Variants in FN1 observed in about 807,000 individuals in gnomAD.
FN1 encodes the protein fibronectin.
A neutral mutation model predicts 297.3 loss-of-function variants in FN1; 106 were observed. That is an observed-to-expected ratio of 0.36 (90% CI 0.30 to 0.42). The LOEUF is 0.42. Ranked by LOEUF, FN1 falls within the 10% of genes least tolerant of loss-of-function variation. The pLI is 1.00. For missense variants in FN1, 2,690 were observed against 3,124.9 expected, an observed-to-expected ratio of 0.86 and a Z score of 3.32; for synonymous variants, 1,149 against 1,152.6, an observed-to-expected ratio of 1.00 and a Z score of 0.06.
intron 24 of FN1, 24 bp downstream of exon 24, chr2:215,394,504 G>C: frequency 6.3e-7 from 1 of 1,580,732 alleles, no homozygotes; most frequent in Non-Finnish European, 8.7e-7. Context: ...TCACTCTCAG[G>C]ATAGCAGCTT....
At chr2:215,420,528 G>T in intron 11 of FN1, 145 bp downstream of exon 11, 1 of 1,000,028 alleles carries the variant, frequency 1.0e-6, no homozygotes, top group Non-Finnish European at 1.6e-6. Flanking sequence ...CAGTATTAGA[G>T]AGAAGACTTT....
chr2:215,390,006 C>T (rs1214559939), intron 26 of FN1, among the ~76,000 whole-genome samples: 1 of 152,134 alleles, frequency 6.6e-6, no homozygotes, highest in Non-Finnish European at 1.5e-5. Context: ...AACTCCTACT[C>T]ACTAAACCCT....
At chr2:215,404,333 A>T in intron 20 of FN1, 56 bp downstream of exon 20, 1 of 1,483,868 alleles carries the variant, frequency 6.7e-7, no homozygotes, top group Non-Finnish European at 9.4e-7. Context: ...GTTTTAAAGC[A>T]TGAAGAATAG....
intron 41 of FN1, 146 bp from the exon 42 acceptor site, chr2:215,368,173 G>C (rs1230088514): frequency 1.2e-6 from 1 of 865,008 alleles, no homozygotes; most frequent in African/African-American, 1.7e-5. Context: ...GTTCTATCAA[G>C]GCATTAACTG....
In FN1 at chr2:215,420,624, C is replaced by T. The variant is rs756598689; in HGVS notation, c.1675+49G>A. 5 of 1,611,714 alleles carry T rather than the reference C, an allele frequency of 3.1e-6. No homozygotes were observed. In the Admixed American group the frequency reaches 8.3e-5, roughly 27 times the overall value. ...CATAGCTTTTCTTATCTGAAACTTG[C>T]TAACCATTCCCCCTGTGCAAACTCA... is the stretch of plus-strand genomic sequence containing the variant. On this transcript the variant is annotated intron_variant, in intron 11 of 45. Coordinates refer to ENST00000354785, the MANE Select transcript of FN1 (RefSeq NM_212482.4).
In FN1 at chr2:215,362,058, G is replaced by A. The variant is rs1444478990; in HGVS notation, c.7273C>T (p.Arg2425Cys). The A allele has an allele frequency of 5.6e-6, 9 of 1,614,046 alleles. No homozygotes were observed. The highest frequency in any genetic ancestry group is 6.8e-6 in the Non-Finnish European group (8 of 1,179,980). The stretch of plus-strand genomic sequence containing the variant: ...GGACTGGGTTCACCCCCAGGTCTGC[G>A]GCAGTTGTCACAGCGCCAGCCCTGA... The part of the protein sequence containing the change: ...GQRGWRCDNC[R>C]RPGGEPSPEG... Residue 2425 changes from arginine (R) to cysteine (C), a missense_variant, in exon 45 of 46, where the codon CGC becomes TGC. Transcript: ENST00000354785.
rs375676587 is a variant in FN1, at chr2:215,367,826, A to G, written c.7018+37T>C. 8.9e-5 allele frequency: 144 copies of G among 1,609,922 alleles called. 1 individual carries two copies. The Middle Eastern group carries it at 2.5e-3, about 28-fold the overall frequency. ...GAGTGCATGCATGGAACTTGAGGAG[A>G]CAAACACGGAAGTGGATGGACAAAG... On this transcript the variant is annotated intron_variant, in intron 42 of 45. Transcript: ENST00000354785.
chr2:215,415,533 G>C (rs924599421), intron 12 of FN1, among the ~76,000 whole-genome samples: 1 of 152,170 alleles, frequency 6.6e-6, no homozygotes, highest in African/African-American at 2.4e-5. Context: ...AGTCTAAGCA[G>C]TCTATCAGTT....
chr2:215,430,103 A>C (rs1352341683), intron 5 of FN1, among the ~76,000 whole-genome samples: 2 of 152,246 alleles, frequency 1.3e-5, no homozygotes, highest in Non-Finnish European at 2.9e-5. Flanking sequence ...GGGTTCAGCT[A>C]GATAAATAAA....
At chr2:215,434,901 A>T (rs1029912657) in intron 1 of FN1, 77 bp from the exon 2 acceptor site, 2 of 1,511,484 alleles carry the variant, frequency 1.3e-6, no homozygotes, top group African/African-American at 1.4e-5. Flanking sequence ...TCATGTGAAT[A>T]TTGACGTACA....
At position 215,361,133 on chromosome 2, in the gene FN1, C is replaced by A; in HGVS notation, c.*422G>T. On this transcript the variant is annotated 3_prime_UTR_variant, in exon 46 of 46. Coordinates refer to ENST00000354785, the MANE Select transcript of FN1 (RefSeq NM_212482.4). Reference sequence around the variant, plus strand: ...ATTTAAAATATCACAGTAACAAGATCATGCTTGTTCCTACAGTATTGCGGG... The same window carrying A: ...ATTTAAAATATCACAGTAACAAGATAATGCTTGTTCCTACAGTATTGCGGG... 1 of 179,296 alleles carries A rather than the reference C, an allele frequency of 5.6e-6. No homozygotes were observed. Among genetic ancestry groups the A allele is most frequent in the South Asian group, 1.3e-4 (1 of 7,594 alleles). The allele number at this position is 179,296 out of a possible 1,614,324, so 11.1% of individuals were successfully genotyped here.
intron 17 of FN1, 56 bp downstream of exon 17, chr2:215,408,052 C>G: frequency 1.5e-6 from 2 of 1,366,978 alleles, no homozygotes; most frequent in Non-Finnish European, 1.0e-6. Flanking sequence ...CTGCGCCCTC[C>G]CTGCTGATGT....
intron 20 of FN1, among the ~76,000 whole-genome samples, chr2:215,403,680 A>G (rs2061414682): frequency 6.6e-6 from 1 of 152,220 alleles, no homozygotes; most frequent in Non-Finnish European, 1.5e-5. Context: ...TGGGAGATTT[A>G]AGACCACTTC....
intron 23 of FN1, among the ~76,000 whole-genome samples, chr2:215,395,446 C>T (rs553506093): frequency 1.3e-5 from 2 of 150,748 alleles, no homozygotes; most frequent in East Asian, 2.0e-4. Context: ...GGCTGAGGCA[C>T]GAGAATCGCT....
At chr2:215,385,441 A>G (rs996314672) in intron 28 of FN1, among the ~76,000 whole-genome samples, 3 of 151,800 alleles carry the variant, frequency 2.0e-5, no homozygotes, top group African/African-American at 7.3e-5. Context: ...GGGCACCTGT[A>G]GTCCCAGCTA....
In FN1 at chr2:215,383,370, T is replaced by G. The variant is rs2058469151; in HGVS notation, c.5008A>C (p.Lys1670Gln). 6.2e-7 allele frequency: 1 copy of G among 1,614,130 alleles called. No individual in the cohort carries two copies. The highest frequency in any genetic ancestry group is 1.3e-5 in the African/African-American group (1 of 75,042). ...GTTTTTGTTGGTCCTGGTCCATTTTTGGGAGTGGTGGTTACTCTGTAACCA... is the reference window on the plus strand; with the variant it reads ...GTTTTTGTTGGTCCTGGTCCATTTTGGGGAGTGGTGGTTACTCTGTAACCA... ...VTGYRVTTTPKNGPGPTKTKT... is the reference protein window; with the variant it reads ...VTGYRVTTTPQNGPGPTKTKT... Residue 1670 changes from lysine to glutamine, a missense_variant, in exon 31 of 46, where the codon AAA becomes CAA. Lys to Gln is a moderately conservative substitution (Grantham distance 53). This residue lies in a region of FN1 where 1,743 missense variants were observed against 1,945.2 expected (regional missense o/e 0.90). Transcript: ENST00000354785.
intron 13 of FN1, among the ~76,000 whole-genome samples, chr2:215,410,717 G>C (rs1278182557): frequency 2.0e-5 from 3 of 152,066 alleles, no homozygotes; most frequent in Non-Finnish European, 2.9e-5. Context: ...ATGTTGGTCA[G>C]GCTGGTCTCG....
chr2:215,362,506 G>A (rs2053665198), intron 44 of FN1: 1 of 232,972 alleles, frequency 4.3e-6, no homozygotes, highest in Admixed American at 5.1e-5. Context: ...CCAGAGGAGA[G>A]GAGTGACTTG....
chr2:215,383,204 C>T (rs946379621), intron 31 of FN1, 124 bp downstream of exon 31: 75 of 946,750 alleles, frequency 7.9e-5, no homozygotes, highest in Admixed American at 7.1e-4. Flanking sequence ...GACGGGGTTT[C>T]GCCATATTGG....
Sources: gnomAD v4.1 joint callset for allele counts (sites outside exome capture counted in the v4.1 genomes callset) on GRCh38, gnomAD v4.1.1 for gene constraint, gnomAD v4.1.1 regional missense constraint, MANE v1.5 for transcripts, NCBI Gene and HGNC (gene_info 2026-07-23, HGNC 2026-07-21) for gene names.